Variants in DERA observed in about 807,000 individuals in gnomAD.
DERA encodes the protein deoxyribose-phosphate aldolase, also known as 2-deoxy-D-ribose 5-phosphate aldolase.
In DERA, 15 loss-of-function variants were observed where a neutral mutation model predicts 41.1. That is an observed-to-expected ratio of 0.37 (90% CI 0.24 to 0.56). DERA has a LOEUF of 0.56. Ranked by LOEUF, DERA falls within the 20% of genes least tolerant of loss-of-function variation. The pLI, the probability that DERA is intolerant of heterozygous loss-of-function variation, is 0.81. For synonymous variants in DERA, 139 were observed against 137.4 expected (o/e 1.01, Z -0.08); for missense variants, 396 against 403.4 (o/e 0.98, Z 0.16).
chr12:16,016,361 T>C (rs1948982094), intron 6 of DERA, among the ~76,000 whole-genome samples: 2 of 152,192 alleles, frequency 1.3e-5, no homozygotes, highest in South Asian at 4.1e-4. Context: ...CATATTTGAA[T>C]TGTTCTCTAT....
At chr12:15,971,118 C>CCA (rs1948656633) in intron 5 of DERA, among the ~76,000 whole-genome samples, 1 of 152,134 alleles carries the variant, frequency 6.6e-6, no homozygotes, top group African/African-American at 2.4e-5. Flanking sequence ...TCAACAGCCC[C>CCA]GGATTAATAA....
At chr12:15,969,340 C>T (rs770615183) in intron 5 of DERA, among the ~76,000 whole-genome samples, 1 of 152,160 alleles carries the variant, frequency 6.6e-6, no homozygotes, top group Non-Finnish European at 1.5e-5. Context: ...GAAATGCTAT[C>T]AGATTGCACC....
intron 6 of DERA, among the ~76,000 whole-genome samples, chr12:16,005,762 C>T (rs905226439): frequency 1.3e-5 from 2 of 152,104 alleles, no homozygotes; most frequent in African/African-American, 2.4e-5. Context: ...AAGTTCTTCT[C>T]GTGTATCATT....
intron 2 of DERA, 28 bp from the exon 3 acceptor site, chr12:15,958,160 A>T: frequency 6.6e-7 from 1 of 1,513,102 alleles, no homozygotes; most frequent in African/African-American, 1.4e-5. Flanking sequence ...TATTAAATTT[A>T]CTTTGTTTTC....
At chr12:15,960,112 A>G (rs192161117) in intron 4 of DERA, among the ~76,000 whole-genome samples, 188 bp downstream of exon 4, 1 of 152,044 alleles carries the variant, frequency 6.6e-6, no homozygotes, top group East Asian at 1.9e-4. Flanking sequence ...CCAACAATAT[A>G]GAACTGTATT....
Position 15,959,734 on chromosome 12 carries a change from AT to A in DERA, c.278-90del. ...GGGGGAATTATTTTTTTCTCATTTGATTTTTGCCAGTGTTGCGATATAAATA... is the reference window on the plus strand; with the variant it reads ...GGGGGAATTATTTTTTTCTCATTTGATTTTGCCAGTGTTGCGATATAAATA... On this transcript the variant is annotated intron_variant, in intron 3 of 8. Coordinates refer to ENST00000428559, the MANE Select transcript of DERA (RefSeq NM_015954.4). This position sits in a 1 kb window ranked among gnomAD's most constrained non-coding sequence, Gnocchi z 4.5. The A allele has an allele frequency of 1.3e-6, 1 of 758,452 alleles. No individual in the cohort carries two copies. The highest frequency in any genetic ancestry group is 2.1e-6 in the Non-Finnish European group (1 of 475,910). The allele number at this position is 758,452 out of a possible 1,614,324, so 47.0% of individuals were successfully genotyped here. A position where few individuals can be genotyped will look rare whatever the true frequency, so the allele number is the denominator to read the frequency against.
intron 1 of DERA, among the ~76,000 whole-genome samples, chr12:15,925,632 T>A (rs549783797): frequency 6.6e-6 from 1 of 152,140 alleles, no homozygotes; most frequent in African/African-American, 2.4e-5. Context: ...GAAATTAAAA[T>A]TCACAGATTT....
rs949881274 is a variant in DERA at position 16,019,184 on chromosome 12, T to G, written c.638-13358T>G. Among the ~76,000 whole-genome samples the G allele has an allele frequency of 1.3e-5, 2 of 152,196 alleles. No homozygotes were observed. The highest frequency in any genetic ancestry group is 1.3e-4 in the Admixed American group (2 of 15,278). The stretch of plus-strand genomic sequence containing the variant: ...TAAAACAAAAGTGTGTCCTACTTAG[T>G]CCCATTGGAAAATCCATTTTTCTTT... On this transcript the variant is annotated intron_variant, in intron 6 of 8. Transcript: ENST00000428559. This position sits in a 1 kb window ranked among gnomAD's most constrained non-coding sequence, Gnocchi z 4.4.
chr12:15,996,358 C>T lies in DERA; in HGVS notation c.637+13922C>T, dbSNP rs1253181927. On this transcript the variant is annotated intron_variant, in intron 6 of 8. Transcript: ENST00000428559. The surrounding 1 kb of genome is among the most constrained non-coding windows in gnomAD (Gnocchi z 4.7). The stretch of plus-strand genomic sequence containing the variant: ...CTTAAGGTTCTGGAGGCCAGAAGCC[C>T]GCAGTCAGGGTGTCAGCAGGCTTAT... Among the ~76,000 whole-genome samples, 2 of 152,036 alleles carry T rather than the reference C, an allele frequency of 1.3e-5. No individual in the cohort carries two copies. Among genetic ancestry groups the T allele is most frequent in the Non-Finnish European group, 2.9e-5 (2 of 68,010 alleles).
rs1948550910 is a variant in DERA at position 15,957,702 on chromosome 12, G to T, written c.130-486G>T. On this transcript the variant is annotated intron_variant, in intron 2 of 8. Coordinates refer to ENST00000428559, the MANE Select transcript of DERA (RefSeq NM_015954.4). This position sits in a 1 kb window ranked among gnomAD's most constrained non-coding sequence, Gnocchi z 4.8. Reference sequence around the variant, plus strand: ...AAAATAAAATTCATCAGACTGAGTTGTGAAATATGAATATTGTTTTAAAAA... The same window carrying T: ...AAAATAAAATTCATCAGACTGAGTTTTGAAATATGAATATTGTTTTAAAAA... 6.6e-6 allele frequency among the ~76,000 whole-genome samples: 1 copy of T among 152,216 alleles called. No homozygotes were observed. The highest frequency in any genetic ancestry group is 1.9e-4 in the East Asian group (1 of 5,200).
rs1948164480 is a variant in DERA at position 15,911,629 on chromosome 12, T to C, written c.31+215T>C. The C allele has an allele frequency of 1.4e-6, 1 of 697,886 alleles. No individual in the cohort carries two copies. The highest frequency in any genetic ancestry group is 2.6e-6 in the Non-Finnish European group (1 of 383,050). 43.2% of individuals were successfully genotyped at this position (697,886 alleles called of 1,614,324 possible). A position where few individuals can be genotyped will look rare whatever the true frequency, so the allele number is the denominator to read the frequency against. On this transcript the variant is annotated intron_variant, in intron 1 of 8. Coordinates refer to ENST00000428559, the MANE Select transcript of DERA (RefSeq NM_015954.4). This position sits in a 1 kb window ranked among gnomAD's most constrained non-coding sequence, Gnocchi z 4.5. ...GTCTTTGCACCTAAGCTTTTACTCTTGTATGCGGAAGGAGTAGGAAAGGGT... is the reference window on the plus strand; with the variant it reads ...GTCTTTGCACCTAAGCTTTTACTCTCGTATGCGGAAGGAGTAGGAAAGGGT...
At chr12:15,956,715 C>T (rs1948541915) in intron 1 of DERA, 2 of 599,528 alleles carry the variant, frequency 3.3e-6, no homozygotes, top group Admixed American at 2.1e-5. Context: ...GTGGTTTTTG[C>T]CTTTGAAAGT....
chr12:16,031,088 GAAGC>G (rs1033609598), intron 6 of DERA, among the ~76,000 whole-genome samples: 6 of 152,174 alleles, frequency 3.9e-5, no homozygotes, highest in African/African-American at 1.4e-4. Context: ...GTAATACTAT[GAAGC>G]AAGTGGGAAT....
intron 6 of DERA, among the ~76,000 whole-genome samples, chr12:16,023,789 T>C (rs892549050): frequency 1.3e-5 from 2 of 152,186 alleles, no homozygotes; most frequent in African/African-American, 4.8e-5. Flanking sequence ...AAACAGTCTT[T>C]ATAGAGAAAA....
intron 1 of DERA, among the ~76,000 whole-genome samples, chr12:15,942,085 G>A (rs1402602263): frequency 1.3e-5 from 2 of 152,132 alleles, no homozygotes; most frequent in East Asian, 3.9e-4. Context: ...TCTCATTGTG[G>A]TTTTAATTTG....
chr12:15,943,978 G>T lies in DERA; in HGVS notation c.32-12958G>T, dbSNP rs1948427813. ...CCACCTATGAGTGAGAACATGCGGT[G>T]TTTGGTTTTTTGTCCTTGTGATAGT... On this transcript the variant is annotated intron_variant, in intron 1 of 8. Transcript: ENST00000428559. This position sits in a 1 kb window ranked among gnomAD's most constrained non-coding sequence, Gnocchi z 4.5. Among the ~76,000 whole-genome samples, 1 of 149,452 alleles carries T rather than the reference G, an allele frequency of 6.7e-6. No individual in the cohort carries two copies. Among genetic ancestry groups the T allele is most frequent in the South Asian group, 2.1e-4 (1 of 4,772 alleles).
intron 6 of DERA, among the ~76,000 whole-genome samples, chr12:16,025,870 A>G (rs1949049957): frequency 6.6e-6 from 1 of 152,166 alleles, no homozygotes; most frequent in Non-Finnish European, 1.5e-5. Flanking sequence ...CCACAATGGT[A>G]CTAAGCTAGA....
At chr12:15,974,375 A>T (rs1755515929) in intron 5 of DERA, among the ~76,000 whole-genome samples, 1 of 152,168 alleles carries the variant, frequency 6.6e-6, no homozygotes, top group Non-Finnish European at 1.5e-5. Flanking sequence ...TACTAAGAAC[A>T]GTCCTCAGTC....
intron 5 of DERA, among the ~76,000 whole-genome samples, chr12:15,973,282 G>A (rs966293752): frequency 6.6e-6 from 1 of 152,172 alleles, no homozygotes; most frequent in Non-Finnish European, 1.5e-5. Flanking sequence ...CTCATTATAA[G>A]TCAAAACATT....
Sources: gnomAD v4.1 joint callset for allele counts (sites outside exome capture counted in the v4.1 genomes callset) on GRCh38, gnomAD v4.1.1 for gene constraint, Gnocchi (gnomAD v3.1) non-coding constraint, MANE v1.5 for transcripts, NCBI Gene and HGNC (gene_info 2026-07-23, HGNC 2026-07-21) for gene names.